The following ZNF679 variants were observed in gnomAD, a reference collection of about 807,000 sequenced individuals.
ZNF679 encodes the protein zinc finger protein 679.
In ZNF679, 10 loss-of-function variants were observed where a neutral mutation model predicts 13.4. The observed-to-expected ratio is 0.75, with a 90% CI of 0.46 to 1.27. ZNF679 has a LOEUF of 1.27. Ranked by LOEUF, ZNF679 falls within the 50% of genes most tolerant of loss-of-function variation. ZNF679 has a pLI of 0.00. For missense variants in ZNF679, 525 were observed against 477.8 expected (o/e 1.10, Z -0.92); for synonymous variants, 179 against 162.5 (o/e 1.10, Z -0.77).
At chr7:64,248,555 C>T (rs550012785) in intron 1 of ZNF679, among the ~76,000 whole-genome samples, 1 of 152,216 alleles carries the variant, frequency 6.6e-6, no homozygotes, top group East Asian at 1.9e-4. Flanking sequence ...GCTGGGATTA[C>T]AGGCCTGAGC....
intron 1 of ZNF679, among the ~76,000 whole-genome samples, chr7:64,230,912 C>T (rs1037802357): frequency 2.0e-5 from 3 of 152,184 alleles, no homozygotes; most frequent in African/African-American, 7.2e-5. Flanking sequence ...TCATCTTTTT[C>T]TGTGGAACAG....
At chr7:64,244,605 A>G (rs189705879) in intron 1 of ZNF679, among the ~76,000 whole-genome samples, 1 of 152,336 alleles carries the variant, frequency 6.6e-6, no homozygotes, top group Admixed American at 6.5e-5. Context: ...TAGAATCTTC[A>G]AAGTAGCTCA....
Position 64,266,508 on chromosome 7 carries a change from G to C in ZNF679, c.875G>C (p.Gly292Ala). Residue 292 changes from glycine to alanine, a missense_variant, in exon 5 of 5, where the codon GGA becomes GCA. Gly to Ala is a moderately conservative substitution (Grantham distance 60). Transcript: ENST00000421025. ...TLANHKRIHTGEKPYTCEECG... is the reference protein window; with the variant it reads ...TLANHKRIHTAEKPYTCEECG... ...GCTAACCACAAGAGAATTCATACTG[G>C]AGAGAAACCATACACATGTGAAGAA... is the stretch of plus-strand genomic sequence containing the variant. 6.2e-7 allele frequency: 1 copy of C among 1,613,300 alleles called. No individual in the cohort carries two copies.
intron 1 of ZNF679, among the ~76,000 whole-genome samples, chr7:64,231,273 T>G (rs1287020453): frequency 6.6e-6 from 1 of 152,206 alleles, no homozygotes; most frequent in Non-Finnish European, 1.5e-5. Flanking sequence ...TGGGCTTAAG[T>G]GTATGTCACA....
At chr7:64,235,141 TC>T (rs1383991972) in intron 1 of ZNF679, among the ~76,000 whole-genome samples, 1 of 152,168 alleles carries the variant, frequency 6.6e-6, no homozygotes, top group East Asian at 1.9e-4. Flanking sequence ...CCCGGCCATA[TC>T]AACTTTTTAA....
rs761223789 is a variant in ZNF679 at position 64,265,912 on chromosome 7, C to T, written c.279C>T (p.Phe93=). Residue 93 remains phenylalanine, a synonymous_variant, in exon 5 of 5, where the codon TTC becomes TTT. Transcript: ENST00000421025. ...GTCTTTCAGTTATGTGTTCTCATTT[C>T]ACCCAAGACCTTCCGCCAGAGCTAG... The part of the protein sequence containing the change: ...VTKHPVMCSH[F]TQDLPPELGI... 4.3e-6 allele frequency: 7 copies of T among 1,613,292 alleles called. No individual in the cohort carries two copies. The South Asian group carries it at 7.7e-5, about 18-fold the overall frequency.
chr7:64,235,913 T>C (rs1484356141), intron 1 of ZNF679, among the ~76,000 whole-genome samples: 10 of 151,624 alleles, frequency 6.6e-5, no homozygotes, highest in Non-Finnish European at 1.2e-4. Flanking sequence ...ACAAAAAAGA[T>C]AAGAAGCAGA....
intron 3 of ZNF679, 82 bp from the exon 4 acceptor site, chr7:64,260,752 T>G: frequency 7.4e-7 from 1 of 1,355,008 alleles, no homozygotes; most frequent in Non-Finnish European, 9.9e-7. Flanking sequence ...TTCTATTATA[T>G]CCTCTTTACT....
chr7:64,230,056 G>T lies in ZNF679; in HGVS notation c.-91+1404G>T, dbSNP rs554486240. ...GGAGGGTAACATCATTTGGGTGCAG[G>T]ATCCAGCGATATGTTACAATTCTTA... On this transcript the variant is annotated intron_variant, in intron 1 of 4. Coordinates refer to ENST00000421025, the MANE Select transcript of ZNF679 (RefSeq NM_153363.3). Among the ~76,000 whole-genome samples the T allele has an allele frequency of 3.8e-4, 58 of 152,296 alleles. No homozygotes were observed. The South Asian group carries it at 0.012, about 31-fold the overall frequency.
At chr7:64,236,957 GAA>G (rs1180235374) in intron 1 of ZNF679, among the ~76,000 whole-genome samples, 2 of 74,274 alleles carry the variant, frequency 2.7e-5, no homozygotes, top group African/African-American at 6.2e-5. Context: ...AAGAAAGAAA[GAA>G]AGAAAGAAAG....
intron 2 of ZNF679, among the ~76,000 whole-genome samples, chr7:64,254,186 G>A (rs778910981): frequency 5.3e-5 from 8 of 151,284 alleles, no homozygotes; most frequent in Non-Finnish European, 7.4e-5. Flanking sequence ...ATGCAGTGGC[G>A]CGATCTCAGC....
At chr7:64,231,269 T>C (rs555831487) in intron 1 of ZNF679, among the ~76,000 whole-genome samples, 1 of 152,344 alleles carries the variant, frequency 6.6e-6, no homozygotes, top group African/African-American at 2.4e-5. Context: ...GAGTTGGGCT[T>C]AAGTGTATGT....
rs555179849 is a variant in ZNF679 at position 64,256,561 on chromosome 7, A to G, written c.40-3660A>G. 2.8e-5 allele frequency among the ~76,000 whole-genome samples: 3 copies of G among 107,536 alleles called. No homozygotes were observed. In the East Asian group the frequency reaches 8.5e-4, roughly 31 times the overall value. The allele number at this position is 107,536 out of a possible 152,430, so 70.5% of individuals were successfully genotyped here. A position where few individuals can be genotyped will look rare whatever the true frequency, so the allele number is the denominator to read the frequency against. On this transcript the variant is annotated intron_variant, in intron 2 of 4. Transcript: ENST00000421025. ...GCATATAAGCATTCCATTTCTCCAC[A>G]ACCTCACAAGCATCTGTTGTTTTGG...
intron 4 of ZNF679, among the ~76,000 whole-genome samples, chr7:64,262,157 G>A (rs1171067797): frequency 6.6e-6 from 1 of 152,010 alleles, no homozygotes; most frequent in Non-Finnish European, 1.5e-5. Context: ...CGCCTGGCTC[G>A]CTTGACCATT....
At chr7:64,231,639 G>A (rs576278424) in intron 1 of ZNF679, among the ~76,000 whole-genome samples, 1 of 152,124 alleles carries the variant, frequency 6.6e-6, no homozygotes, top group South Asian at 2.1e-4. Flanking sequence ...TGAACCCAGA[G>A]ATCTGTCACA....
chr7:64,250,754 A>C (rs1787935040), intron 2 of ZNF679, among the ~76,000 whole-genome samples: 1 of 151,436 alleles, frequency 6.6e-6, no homozygotes, highest in African/African-American at 2.4e-5. Context: ...ACACCCAGCT[A>C]ATTTTTGTAT....
intron 4 of ZNF679, among the ~76,000 whole-genome samples, chr7:64,264,125 A>T (rs1328867518): frequency 6.6e-6 from 1 of 152,016 alleles, no homozygotes; most frequent in Non-Finnish European, 1.5e-5. Context: ...CCATTATATA[A>T]TATCAATCTT....
At chr7:64,240,404 CT>C (rs575921743) in intron 1 of ZNF679, among the ~76,000 whole-genome samples, 1 of 152,156 alleles carries the variant, frequency 6.6e-6, no homozygotes, top group Non-Finnish European at 1.5e-5. Flanking sequence ...GATTTTAACT[CT>C]GATATCTAGG....
At chr7:64,236,859 GA>G (rs1223079498) in intron 1 of ZNF679, among the ~76,000 whole-genome samples, 11 of 104,282 alleles carry the variant, frequency 1.1e-4, no homozygotes, top group Non-Finnish European at 1.5e-4. Flanking sequence ...ACAAAAGAAA[GA>G]AAAAAAGAAA....
Sources: gnomAD v4.1 joint callset for allele counts (sites outside exome capture counted in the v4.1 genomes callset) on GRCh38, gnomAD v4.1.1 for gene constraint, MANE v1.5 for transcripts, NCBI Gene and HGNC (gene_info 2026-07-23, HGNC 2026-07-21) for gene names.